CADPS2: variants seen among roughly 807,000 people sequenced by gnomAD.
CADPS2 encodes the protein calcium-dependent secretion activator 2.
CADPS2 carries 93 observed loss-of-function variants against 172.5 expected under a neutral mutation model. The ratio of observed to expected loss-of-function variants is 0.54; its 90% confidence interval spans 0.46 to 0.64. CADPS2 has a LOEUF of 0.64. CADPS2 is among the 30% of genes least tolerant of loss of function. The probability of loss-of-function intolerance (pLI) is 0.00; values close to 1 mark genes in which losing one functional copy is unlikely to be tolerated. For synonymous variants in CADPS2, 546 were observed against 555.2 expected (o/e 0.98, Z 0.23); for missense variants, 1,420 against 1,565.9 (o/e 0.91, Z 1.57).
chr7:122,691,840 T>A lies in CADPS2; in HGVS notation c.454-28271A>T, dbSNP rs555270758. Among the ~76,000 whole-genome samples the A allele has an allele frequency of 2.6e-5, 4 of 152,150 alleles. No homozygotes were observed. In the East Asian group the frequency reaches 7.8e-4, roughly 30 times the overall value. On this transcript the variant is annotated intron_variant, in intron 2 of 29. Coordinates refer to ENST00000449022, the MANE Select transcript of CADPS2 (RefSeq NM_017954.11). ...GTGCAAAACATCCACCCCCAGAATG[T>A]CTCCAGGCATGGGAGAGATGTGCAC...
chr7:122,417,981 C>T (rs1014577460), intron 17 of CADPS2, among the ~76,000 whole-genome samples: 15 of 152,052 alleles, frequency 9.9e-5, no homozygotes, highest in African/African-American at 3.6e-4. Flanking sequence ...ACCAGCCTGG[C>T]CAACATGGCG....
At chr7:122,590,316 C>T (rs2070578980) in intron 6 of CADPS2, among the ~76,000 whole-genome samples, 2 of 151,754 alleles carry the variant, frequency 1.3e-5, no homozygotes, top group Admixed American at 1.3e-4. Flanking sequence ...AGAAACCAAC[C>T]CTCACACATA....
intron 19 of CADPS2, among the ~76,000 whole-genome samples, chr7:122,410,249 T>C (rs1429286302): frequency 1.3e-5 from 2 of 151,806 alleles, no homozygotes; most frequent in Admixed American, 1.3e-4. Flanking sequence ...GAGGCTGAGA[T>C]AGGAGAATCG....
At chr7:122,477,484 C>G (rs1452691876) in intron 12 of CADPS2, among the ~76,000 whole-genome samples, 1 of 151,788 alleles carries the variant, frequency 6.6e-6, no homozygotes, top group Non-Finnish European at 1.5e-5. Flanking sequence ...CCACTGCACT[C>G]CAGCCTGGGC....
chr7:122,833,532 G>GT lies in CADPS2; in HGVS notation c.339+52466dup, dbSNP rs370563302. On this transcript the variant is annotated intron_variant, in intron 1 of 29. Coordinates refer to ENST00000449022, the MANE Select transcript of CADPS2 (RefSeq NM_017954.11). ...CCGTCCTCCCACCACACCCAGCTTT[G>GT]TTTTTTTTTGTTTGTTTGTTTTGTT... 2.4e-3 allele frequency among the ~76,000 whole-genome samples: 360 copies of GT among 149,704 alleles called. 1 individual carries two copies. The highest frequency in any genetic ancestry group is 0.01 in the Middle Eastern group (3 of 294).
intron 1 of CADPS2, among the ~76,000 whole-genome samples, chr7:122,752,802 T>C (rs1239552019): frequency 6.6e-6 from 1 of 152,170 alleles, no homozygotes; most frequent in Non-Finnish European, 1.5e-5. Context: ...CTAGCTCAAC[T>C]GACTGATAAC....
chr7:122,711,625 TC>T (rs1175375735), intron 2 of CADPS2, among the ~76,000 whole-genome samples: 1 of 152,068 alleles, frequency 6.6e-6, no homozygotes, highest in Non-Finnish European at 1.5e-5. Flanking sequence ...GAGTTCTTTT[TC>T]CTATGAACTG....
At chr7:122,409,290 A>AT (rs2047025843) in intron 19 of CADPS2, among the ~76,000 whole-genome samples, 1 of 152,174 alleles carries the variant, frequency 6.6e-6, no homozygotes, top group Non-Finnish European at 1.5e-5. Context: ...GCAAAGAGAC[A>AT]TTTTCAAAAT....
At chr7:122,388,788 A>C in intron 22 of CADPS2, 50 bp from the exon 23 acceptor site, 1 of 1,452,202 alleles carries the variant, frequency 6.9e-7, no homozygotes. Flanking sequence ...TTAATTAGGT[A>C]TACCATTAAT....
At chr7:122,623,088 A>G (rs1448219806) in intron 4 of CADPS2, among the ~76,000 whole-genome samples, 1 of 152,226 alleles carries the variant, frequency 6.6e-6, no homozygotes, top group East Asian at 1.9e-4. Flanking sequence ...TTAAATATCT[A>G]CATTAAAAAT....
intron 1 of CADPS2, among the ~76,000 whole-genome samples, chr7:122,785,524 G>A (rs983483068): frequency 5.9e-5 from 9 of 152,156 alleles, no homozygotes; most frequent in Non-Finnish European, 1.5e-5. Flanking sequence ...GAGCCCTAAA[G>A]GGTCTGAATC....
Position 122,841,720 on chromosome 7 carries a change from C to T in CADPS2, c.339+44279G>A, listed in dbSNP as rs527919301. ...CACACCATTAAATAACTAAAGAAAA[C>T]GAAGAGTTGCCTTAAATTTTCAGCT... On this transcript the variant is annotated intron_variant, in intron 1 of 29. Transcript: ENST00000449022. Among the ~76,000 whole-genome samples, 91 of 152,202 alleles carry T rather than the reference C, an allele frequency of 6.0e-4. No homozygotes were observed. The South Asian group carries it at 6.0e-3, about 10-fold the overall frequency.
intron 6 of CADPS2, among the ~76,000 whole-genome samples, chr7:122,606,772 C>T (rs945512218): frequency 3.3e-5 from 5 of 152,058 alleles, no homozygotes; most frequent in Non-Finnish European, 7.4e-5. Context: ...ATACACAGCC[C>T]TTGTCTTCAA....
intron 6 of CADPS2, among the ~76,000 whole-genome samples, chr7:122,596,142 G>A (rs2071739163): frequency 6.6e-6 from 1 of 152,076 alleles, no homozygotes; most frequent in African/African-American, 2.4e-5. Context: ...AGCCCCACCT[G>A]CTGTGGATTT....
chr7:122,718,824 C>T (rs990436309), intron 2 of CADPS2, among the ~76,000 whole-genome samples: 2 of 152,120 alleles, frequency 1.3e-5, no homozygotes, highest in African/African-American at 4.8e-5. Flanking sequence ...TAACAGAGAA[C>T]AGATACAATG....
chr7:122,323,876 TATATATATATATATA>T (rs2033194454), intron 29 of CADPS2, among the ~76,000 whole-genome samples: 12 of 17,776 alleles, frequency 6.8e-4, no homozygotes, highest in Admixed American at 1.5e-3. Context: ...GTATATTTTA[TATATATATATATATA>T]TATATATATA....
At chr7:122,862,746 T>C (rs1226737318) in intron 1 of CADPS2, among the ~76,000 whole-genome samples, 9 of 152,058 alleles carry the variant, frequency 5.9e-5, no homozygotes, top group Non-Finnish European at 1.2e-4. Context: ...AAAAAAAGAA[T>C]AACCCTTTTT....
intron 7 of CADPS2, among the ~76,000 whole-genome samples, chr7:122,580,016 A>G (rs963299959): frequency 6.6e-6 from 1 of 152,176 alleles, no homozygotes; most frequent in Non-Finnish European, 1.5e-5. Flanking sequence ...TCTAGTATAC[A>G]GAATGATCCT....
intron 1 of CADPS2, among the ~76,000 whole-genome samples, chr7:122,767,355 A>C (rs1484415996): frequency 1.3e-5 from 2 of 152,190 alleles, no homozygotes; most frequent in African/African-American, 4.8e-5. Context: ...GCCCATGCAG[A>C]TAAGTGATAG....
Sources: allele counts gnomAD v4.1 joint callset (sites outside exome capture counted in the v4.1 genomes callset), GRCh38; gene constraint gnomAD v4.1.1; transcripts MANE v1.5; gene names NCBI Gene and HGNC (gene_info 2026-07-23, HGNC 2026-07-21).